The following RELN variants were observed in gnomAD, a reference collection of about 807,000 sequenced individuals.
RELN encodes the protein reelin.
In RELN, 108 loss-of-function variants were observed where a neutral mutation model predicts 427.6. That is an observed-to-expected ratio of 0.25 (90% CI 0.22 to 0.30). The LOEUF is 0.30. Ranked by LOEUF, RELN falls within the 10% of genes least tolerant of loss-of-function variation. The pLI is 1.00. For synonymous variants in RELN, 1,524 were observed against 1,513.4 expected (o/e 1.01, Z -0.16); for missense variants, 3,715 against 4,302.8 (o/e 0.86, Z 3.82).
chr7:103,649,168 A>G (rs1832859531), intron 16 of RELN, among the ~76,000 whole-genome samples: 2 of 152,106 alleles, frequency 1.3e-5, no homozygotes, highest in Non-Finnish European at 2.9e-5. Context: ...CATAATAGTA[A>G]AGTCATGGAA....
chr7:103,669,104 CTTTA>C (rs1247522241), intron 11 of RELN, among the ~76,000 whole-genome samples: 1 of 152,082 alleles, frequency 6.6e-6, no homozygotes, highest in Non-Finnish European at 1.5e-5. Flanking sequence ...AACTTTTAAT[CTTTA>C]TTTAAGTCTG....
At chr7:103,820,974 T>C (rs1345677760) in intron 3 of RELN, among the ~76,000 whole-genome samples, 1 of 152,156 alleles carries the variant, frequency 6.6e-6, no homozygotes, top group Non-Finnish European at 1.5e-5. Context: ...TTTTAGTGTT[T>C]TACTTATTTG....
At chr7:103,532,862 T>C (rs986352423) in intron 46 of RELN, among the ~76,000 whole-genome samples, 1 of 152,202 alleles carries the variant, frequency 6.6e-6, no homozygotes, top group African/African-American at 2.4e-5. Context: ...CTGTTCTCCA[T>C]CACTTATCAC....
chr7:103,536,404 T>A (rs775164199), intron 45 of RELN, among the ~76,000 whole-genome samples: 1 of 152,218 alleles, frequency 6.6e-6, no homozygotes, highest in Non-Finnish European at 1.5e-5. Flanking sequence ...TGGTTCTCAG[T>A]CTTGGCTGCA....
At chr7:103,961,928 C>T (rs1796565234) in intron 1 of RELN, among the ~76,000 whole-genome samples, 1 of 152,152 alleles carries the variant, frequency 6.6e-6, no homozygotes, top group African/African-American at 2.4e-5. Flanking sequence ...GAAGGTCTTT[C>T]TGTCTCATCA....
chr7:103,882,667 A>G (rs1482949540), intron 2 of RELN, among the ~76,000 whole-genome samples: 2 of 152,208 alleles, frequency 1.3e-5, no homozygotes, highest in African/African-American at 4.8e-5. Flanking sequence ...AAACACATCT[A>G]CACAAATAAA....
In RELN at chr7:103,630,193, A is replaced by C; in HGVS notation, c.2466-17T>G. On this transcript the variant is annotated splice_polypyrimidine_tract_variant and intron_variant, in intron 19 of 64. Coordinates refer to ENST00000428762, the MANE Select transcript of RELN (RefSeq NM_005045.4). ...GAGATTATTCTAGAGAAAAAAAAAA[A>C]GTCAAAATTTAGATTATTTTGGTAT... 1 of 1,526,538 alleles carries C rather than the reference A, an allele frequency of 6.6e-7. No homozygotes were observed. The highest frequency in any genetic ancestry group is 9.1e-7 in the Non-Finnish European group (1 of 1,102,542). 94.6% of individuals were successfully genotyped at this position (1,526,538 alleles called of 1,614,324 possible).
chr7:103,561,736 G>T, intron 35 of RELN, 27 bp from the exon 36 acceptor site: 1 of 1,613,764 alleles, frequency 6.2e-7, no homozygotes, highest in Non-Finnish European at 8.5e-7. Context: ...GTGGAGAAAA[G>T]ACATTTGTCA....
intron 1 of RELN, among the ~76,000 whole-genome samples, chr7:103,950,893 G>A (rs1185315863): frequency 2.0e-5 from 3 of 152,138 alleles, no homozygotes; most frequent in Non-Finnish European, 2.9e-5. Context: ...AGAAAGTCCA[G>A]TGCTCTGTCT....
intron 3 of RELN, among the ~76,000 whole-genome samples, chr7:103,811,986 T>C (rs1792754603): frequency 6.6e-6 from 1 of 152,236 alleles, no homozygotes; most frequent in African/African-American, 2.4e-5. Context: ...CTGGTGAGAA[T>C]GATGCTAGTT....
intron 51 of RELN, chr7:103,504,351 C>T (rs1427222438): frequency 1.3e-5 from 2 of 152,048 alleles, no homozygotes; most frequent in Admixed American, 6.5e-5. Flanking sequence ...TGATTTAACT[C>T]GGAGTTATAA....
intron 3 of RELN, among the ~76,000 whole-genome samples, chr7:103,808,655 G>GA (rs1327646478): frequency 6.6e-6 from 1 of 151,636 alleles, no homozygotes; most frequent in Non-Finnish European, 1.5e-5. Flanking sequence ...TATTCACAAG[G>GA]AAAAAAATCT....
At position 103,731,079 on chromosome 7, in the gene RELN, T is replaced by C. The variant is rs1790341247; in HGVS notation, c.657-2872A>G. Among the ~76,000 whole-genome samples, 3 of 152,138 alleles carry C rather than the reference T, an allele frequency of 2.0e-5. No homozygotes were observed. The South Asian group carries it at 6.2e-4, about 32-fold the overall frequency. On this transcript the variant is annotated intron_variant, in intron 6 of 64. Coordinates refer to ENST00000428762, the MANE Select transcript of RELN (RefSeq NM_005045.4). ...ACAATAGAGGGTGTCAATGCAATGA[T>C]GCAATGATAGCTATTTACTGCATTC...
intron 3 of RELN, among the ~76,000 whole-genome samples, chr7:103,805,150 C>T (rs1310558999): frequency 6.6e-6 from 1 of 151,886 alleles, no homozygotes; most frequent in Non-Finnish European, 1.5e-5. Flanking sequence ...GCTGAGTGAA[C>T]TTGGGTAAAT....
chr7:103,908,154 T>A (rs1320910508), intron 2 of RELN, among the ~76,000 whole-genome samples: 2 of 152,126 alleles, frequency 1.3e-5, no homozygotes, highest in Non-Finnish European at 2.9e-5. Context: ...GGGGTGGCGC[T>A]GATCCAGGCT....
intron 33 of RELN, among the ~76,000 whole-genome samples, 153 bp from the exon 34 acceptor site, chr7:103,565,704 G>A (rs1830735902): frequency 1.3e-5 from 2 of 151,942 alleles, no homozygotes; most frequent in African/African-American, 4.8e-5. Flanking sequence ...TATATTTTCT[G>A]CTTCTATTTG....
chr7:103,614,350 G>T (rs1832033247), intron 20 of RELN, among the ~76,000 whole-genome samples: 1 of 152,170 alleles, frequency 6.6e-6, no homozygotes, highest in African/African-American at 2.4e-5. Flanking sequence ...TCTAGGGGTG[G>T]CCATGTGTCC....
intron 62 of RELN, among the ~76,000 whole-genome samples, chr7:103,483,172 T>C (rs1421821818): frequency 6.6e-6 from 1 of 152,228 alleles, no homozygotes; most frequent in Non-Finnish European, 1.5e-5. Flanking sequence ...GTAAAACTTT[T>C]CCATCTCTCT....
chr7:103,739,338 A>C (rs188648777), intron 6 of RELN, among the ~76,000 whole-genome samples: 1 of 152,344 alleles, frequency 6.6e-6, no homozygotes, highest in Admixed American at 6.5e-5. Context: ...GGTCCCTTAC[A>C]TTCTTCTGAA....
Sources: allele counts gnomAD v4.1 joint callset (sites outside exome capture counted in the v4.1 genomes callset), GRCh38; gene constraint gnomAD v4.1.1; transcripts MANE v1.5; gene names NCBI Gene and HGNC (gene_info 2026-07-23, HGNC 2026-07-21).